Variants in GFRA2 observed in about 807,000 individuals in gnomAD.
GFRA2 encodes the protein GDNF family receptor alpha 2, also known as GDNF family receptor alpha-2.
Under a neutral mutation model 48.3 loss-of-function variants are expected in GFRA2, and 17 were observed. The observed-to-expected ratio is 0.35, with a 90% CI of 0.24 to 0.53. The LOEUF (loss-of-function observed/expected upper bound fraction) is 0.53. Among genes scored for constraint, GFRA2 ranks in the 20% least tolerant of loss-of-function variants. The probability of loss-of-function intolerance (pLI) is 0.93; values close to 1 mark genes in which losing one functional copy is unlikely to be tolerated. For synonymous variants in GFRA2, 305 were observed against 257.2 expected (o/e 1.19, Z -1.78); for missense variants, 660 against 637.3 (o/e 1.04, Z -0.38).
At chr8:21,728,838 T>C (rs1042430147) in intron 4 of GFRA2, among the ~76,000 whole-genome samples, 1 of 152,232 alleles carries the variant, frequency 6.6e-6, no homozygotes, top group African/African-American at 2.4e-5. Context: ...CGGTTTGACA[T>C]GGAAATTCCT....
chr8:21,748,570 A>G (rs923189372), intron 4 of GFRA2, among the ~76,000 whole-genome samples: 4 of 152,160 alleles, frequency 2.6e-5, no homozygotes, highest in Admixed American at 6.5e-5. Flanking sequence ...GGAGCACTCA[A>G]TAATACTGGA....
At chr8:21,718,774 G>C (rs1803456013) in intron 4 of GFRA2, among the ~76,000 whole-genome samples, 2 of 152,136 alleles carry the variant, frequency 1.3e-5, no homozygotes, top group South Asian at 4.1e-4. Context: ...TAAGGAAATA[G>C]AGCCCTAGAG....
chr8:21,713,413 C>G (rs1015777381), intron 4 of GFRA2, among the ~76,000 whole-genome samples: 3 of 152,012 alleles, frequency 2.0e-5, no homozygotes, highest in Non-Finnish European at 2.9e-5. Flanking sequence ...CCAAGCTGGT[C>G]TCAAACTCCT....
chr8:21,810,046 T>C lies in GFRA2; in HGVS notation c.-148+2185A>G, dbSNP rs150311159. ...TCCCAACGCATGATCTGAAATAGGC[T>C]ACAGAATAAACAAGCCTTGGTCTCT... On this transcript the variant is annotated intron_variant, in intron 1 of 10. Transcript: ENST00000517328. Among the ~76,000 whole-genome samples, 304 of 152,276 alleles carry C rather than the reference T, an allele frequency of 2.0e-3. 1 individual carries two copies. The highest frequency in any genetic ancestry group is 6.9e-3 in the African/African-American group (288 of 41,540).
At chr8:21,798,358 A>G (rs1043877778) in intron 2 of GFRA2, among the ~76,000 whole-genome samples, 30 of 152,318 alleles carry the variant, frequency 2.0e-4, no homozygotes, top group African/African-American at 7.2e-4. Flanking sequence ...GAAAGAAAGA[A>G]AAAGGAAGCA....
chr8:21,775,665 G>A (rs1412807234), intron 2 of GFRA2, among the ~76,000 whole-genome samples: 6 of 152,328 alleles, frequency 3.9e-5, no homozygotes, highest in Admixed American at 2.0e-4. Flanking sequence ...GTCACCAGGA[G>A]AATCTTGCTG....
intron 3 of GFRA2, among the ~76,000 whole-genome samples, chr8:21,770,870 C>T (rs912616209): frequency 3.3e-5 from 5 of 152,210 alleles, no homozygotes; most frequent in Non-Finnish European, 7.3e-5. Flanking sequence ...TCCTTCCCTC[C>T]GCAATCTCTC....
intron 4 of GFRA2, among the ~76,000 whole-genome samples, chr8:21,712,173 G>A (rs1289587583): frequency 7.9e-5 from 12 of 152,178 alleles, no homozygotes; most frequent in South Asian, 2.1e-4. Context: ...TGTCATCATG[G>A]CCCATTCTCA....
intron 4 of GFRA2, among the ~76,000 whole-genome samples, chr8:21,740,849 G>A (rs1337583010): frequency 6.6e-6 from 1 of 152,188 alleles, no homozygotes; most frequent in Admixed American, 6.5e-5. Flanking sequence ...AGCTGCTCAA[G>A]CCAGAAGCCG....
intron 1 of GFRA2, among the ~76,000 whole-genome samples, chr8:21,809,450 G>A (rs1225087513): frequency 2.0e-5 from 3 of 151,954 alleles, no homozygotes; most frequent in Admixed American, 6.6e-5. Flanking sequence ...TCAGCCTCCC[G>A]AGTAGCTGGG....
At chr8:21,708,443 G>C (rs1802856497) in intron 4 of GFRA2, among the ~76,000 whole-genome samples, 1 of 152,190 alleles carries the variant, frequency 6.6e-6, no homozygotes, top group Non-Finnish European at 1.5e-5. Flanking sequence ...TGGCTTGAGA[G>C]GGGACAGAGA....
chr8:21,783,729 G>C (rs1318639287), intron 1 of GFRA2, among the ~76,000 whole-genome samples: 1 of 151,494 alleles, frequency 6.6e-6, no homozygotes, highest in African/African-American at 2.4e-5. Flanking sequence ...CCCTCCAATA[G>C]AAAATGCTTT....
At chr8:21,809,697 C>G (rs553357357) in intron 1 of GFRA2, among the ~76,000 whole-genome samples, 1 of 152,210 alleles carries the variant, frequency 6.6e-6, no homozygotes, top group Admixed American at 6.5e-5. Context: ...CCTGCATCAT[C>G]GCACTGTGTT....
intron 2 of GFRA2, among the ~76,000 whole-genome samples, chr8:21,776,351 A>C (rs369286563): frequency 0.01 from 1,540 of 151,952 alleles, 22 homozygotes; most frequent in African/African-American, 0.034. Flanking sequence ...TCCCTGCATT[A>C]GGAACAGCCT....
chr8:21,768,257 C>G (rs1435405283), intron 3 of GFRA2, among the ~76,000 whole-genome samples: 1 of 152,230 alleles, frequency 6.6e-6, no homozygotes, highest in Non-Finnish European at 1.5e-5. Context: ...GAGTCTCTGA[C>G]AGCTGTTAGA....
intron 2 of GFRA2, among the ~76,000 whole-genome samples, chr8:21,778,065 C>G (rs1242666180): frequency 6.6e-6 from 1 of 152,162 alleles, no homozygotes; most frequent in East Asian, 1.9e-4. Context: ...GGAGCACAGC[C>G]CCATGGTAAA....
At chr8:21,778,932 G>A (rs1221576515) in intron 2 of GFRA2, among the ~76,000 whole-genome samples, 6 of 152,076 alleles carry the variant, frequency 3.9e-5, no homozygotes, top group South Asian at 4.2e-4. Context: ...AGGCACAAGC[G>A]GCCCACGCCT....
At chr8:21,776,307 T>A (rs1806704271) in intron 2 of GFRA2, among the ~76,000 whole-genome samples, 1 of 149,404 alleles carries the variant, frequency 6.7e-6, no homozygotes, top group Admixed American at 6.7e-5. Flanking sequence ...CCCCAAGAAA[T>A]GGGGCAGCCC....
In GFRA2 at chr8:21,697,535, G is replaced by A. The variant is rs560073768; in HGVS notation, c.1219-3018C>T. On this transcript the variant is annotated intron_variant, in intron 7 of 8. Transcript: ENST00000524240. ...TCCTGAAGGTGGCACCTAGTGGCGG[G>A]AGGGGCAGAGAGAAAGAGAGACCAC... Among the ~76,000 whole-genome samples the A allele has an allele frequency of 2.2e-4, 34 of 152,192 alleles. No homozygotes were observed. In the South Asian group the frequency reaches 6.8e-3, roughly 31 times the overall value.
Sources: gnomAD v4.1 joint callset for allele counts (sites outside exome capture counted in the v4.1 genomes callset) on GRCh38, gnomAD v4.1.1 for gene constraint, MANE v1.5 for transcripts, NCBI Gene and HGNC (gene_info 2026-07-23, HGNC 2026-07-21) for gene names.